The following PCDH1 variants were observed in gnomAD, a reference collection of about 807,000 sequenced individuals.
PCDH1 encodes protocadherin-1.
In PCDH1, 23 loss-of-function variants were observed where a neutral mutation model predicts 74.6. The observed-to-expected ratio is 0.31, with a 90% confidence interval of 0.22 to 0.44. The LOEUF (loss-of-function observed/expected upper bound fraction) is 0.44, where lower values mean the gene tolerates loss of function less well. PCDH1 is among the 20% of genes least tolerant of loss of function. The probability of loss-of-function intolerance (pLI) is 1.00; values close to 1 mark genes in which losing one functional copy is unlikely to be tolerated. For synonymous variants in PCDH1, 647 were observed against 686.1 expected, an observed-to-expected ratio of 0.94 and a Z score of 0.89; for missense variants, 1,214 against 1,641.4, an observed-to-expected ratio of 0.74 and a Z score of 4.50.
At chr5:141,876,595 C>T (rs1753241634) in intron 1 of PCDH1, among the ~76,000 whole-genome samples, 1 of 152,216 alleles carries the variant, frequency 6.6e-6, no homozygotes, top group Non-Finnish European at 1.5e-5. Flanking sequence ...AAACTGAGGC[C>T]AGAATTCTGA....
chr5:141,865,960 T>C lies in PCDH1; in HGVS notation c.904-533A>G, dbSNP rs1198730346. On this transcript the variant is annotated intron_variant, in intron 2 of 4. Coordinates refer to ENST00000287008, the MANE Select transcript of PCDH1 (RefSeq NM_032420.5). The surrounding 1 kb of genome is among the most constrained non-coding windows in gnomAD (Gnocchi z 4.4). ...TGATATGTTTGTGTGAGAAGGTATA[T>C]GTGTTTGTATGTGTATGATTGTGTC... The C allele has an allele frequency of 2.8e-6, 2 of 703,456 alleles. No individual in the cohort carries two copies. The highest frequency in any genetic ancestry group is 1.8e-6 in the Non-Finnish European group (1 of 565,520). 43.6% of individuals were successfully genotyped at this position (703,456 alleles called of 1,614,324 possible).
Position 141,876,747 on chromosome 5 carries a change from C to G in PCDH1, c.40+1476G>C, listed in dbSNP as rs1384991477. Among the ~76,000 whole-genome samples, 6 of 152,082 alleles carry G rather than the reference C, an allele frequency of 3.9e-5. No homozygotes were observed. In the East Asian group the frequency reaches 1.2e-3, roughly 29 times the overall value. ...TACAGCGGGGACCAGGCGGAGGGGGCGCTCAGGTGTGAGACGAACCCAGGT... is the reference window on the plus strand; with the variant it reads ...TACAGCGGGGACCAGGCGGAGGGGGGGCTCAGGTGTGAGACGAACCCAGGT... On this transcript the variant is annotated intron_variant, in intron 1 of 4. Coordinates refer to ENST00000287008, the MANE Select transcript of PCDH1 (RefSeq NM_032420.5).
In PCDH1 at chr5:141,853,202, C is replaced by A. The variant is rs1752191893; in HGVS notation, c.*840G>T. 8.7e-6 allele frequency: 1 copy of A among 115,554 alleles called. No homozygotes were observed. Among genetic ancestry groups the A allele is most frequent in the African/African-American group, 3.3e-5 (1 of 30,372 alleles). 7.2% of individuals were successfully genotyped at this position (115,554 alleles called of 1,614,324 possible). A position where few individuals can be genotyped will look rare whatever the true frequency, so the allele number is the denominator to read the frequency against. On this transcript the variant is annotated 3_prime_UTR_variant, in exon 5 of 5. Coordinates refer to ENST00000287008, the MANE Select transcript of PCDH1 (RefSeq NM_032420.5). Reference sequence around the variant, plus strand: ...CCCCACCCACCCGTTGTTTCCCTGGCCTGCACCCCCATCCCACCATGGCCC... The same window carrying A: ...CCCCACCCACCCGTTGTTTCCCTGGACTGCACCCCCATCCCACCATGGCCC...
chr5:141,855,017 G>C (rs554796314), intron 4 of PCDH1, among the ~76,000 whole-genome samples: 1 of 151,696 alleles, frequency 6.6e-6, no homozygotes, highest in Non-Finnish European at 1.5e-5. Context: ...TGTCACCCAG[G>C]CTGGAGTGCA....
At position 141,868,921 on chromosome 5, in the gene PCDH1, C is replaced by T; in HGVS notation, c.551G>A (p.Gly184Asp). 2 of 1,614,188 alleles carry T rather than the reference C, an allele frequency of 1.2e-6. No homozygotes were observed. The highest frequency in any genetic ancestry group is 2.2e-5 in the East Asian group (1 of 44,872). Residue 184 changes from glycine to aspartate, a missense_variant, in exon 2 of 5, where the codon GGC becomes GAC. This residue lies in a region of PCDH1 where 97 missense variants were observed against 173.2 expected (regional missense o/e 0.56). Transcript: ENST00000287008. This position sits in a 1 kb window ranked among gnomAD's most constrained non-coding sequence, Gnocchi z 4.8. ...AGCCAGCGGGATGGGGAAGAGTGAGCCGATGTTGGTGTTCTCAGGGATGGC... is the reference window on the plus strand; with the variant it reads ...AGCCAGCGGGATGGGGAAGAGTGAGTCGATGTTGGTGTTCTCAGGGATGGC... ...TLAIPENTNI[G>D]SLFPIPLASD...
intron 1 of PCDH1, among the ~76,000 whole-genome samples, chr5:141,872,849 G>C (rs186752735): frequency 6.6e-6 from 1 of 152,206 alleles, no homozygotes; most frequent in Non-Finnish European, 1.5e-5. Flanking sequence ...ATGGGATGGC[G>C]GGGCTGGGGA....
At chr5:141,872,136 CCT>C in intron 1 of PCDH1, among the ~76,000 whole-genome samples, 1 of 145,914 alleles carries the variant, frequency 6.9e-6, no homozygotes, top group African/African-American at 2.6e-5. Context: ...CCACCCCCCC[CCT>C]CCACCTGCAT....
chr5:141,872,001 C>T (rs1261007699), intron 1 of PCDH1, among the ~76,000 whole-genome samples: 3 of 152,218 alleles, frequency 2.0e-5, no homozygotes, highest in Non-Finnish European at 4.4e-5. Flanking sequence ...ACATCCCCTC[C>T]TCTGTATGGC....
rs996963315 is a variant in PCDH1, at chr5:141,853,523, C to T, written c.*519G>A. On this transcript the variant is annotated 3_prime_UTR_variant, in exon 5 of 5. Coordinates refer to ENST00000287008, the MANE Select transcript of PCDH1 (RefSeq NM_032420.5). ...ACAAGGCCTCCGCTCCACTCCCACC[C>T]CCGTCCCTACCCCACCTTTGGTAAC... is the stretch of plus-strand genomic sequence containing the variant. 6.6e-6 allele frequency: 1 copy of T among 152,336 alleles called. No homozygotes were observed. Among genetic ancestry groups the T allele is most frequent in the Non-Finnish European group, 1.5e-5 (1 of 68,182 alleles). 9.4% of individuals were successfully genotyped at this position (152,336 alleles called of 1,614,324 possible). A position where few individuals can be genotyped will look rare whatever the true frequency, so the allele number is the denominator to read the frequency against.
At position 141,863,917 on chromosome 5, in the gene PCDH1, G is replaced by A. The variant is rs1423559568; in HGVS notation, c.2414C>T (p.Thr805Ile). The A allele has an allele frequency of 3.7e-6, 6 of 1,614,198 alleles. No individual in the cohort carries two copies. The highest frequency in any genetic ancestry group is 5.1e-6 in the Non-Finnish European group (6 of 1,180,044). Residue 805 changes from threonine (T) to isoleucine (I), a missense_variant, in exon 3 of 5, where the codon ACA (threonine) becomes ATA (isoleucine). Thr to Ile is a moderately conservative substitution (Grantham distance 89). Transcript: ENST00000287008. This position sits in a 1 kb window ranked among gnomAD's most constrained non-coding sequence, Gnocchi z 7.5. ...ATTGACATAAAGATGGACCAAGGCT[G>A]TGCCATAGCGTGGGGGCTTGCCGCG... Reference protein sequence around the residue: ...SDRGKPPRYGTALVHLYVNET... With the variant: ...SDRGKPPRYGIALVHLYVNET...
Position 141,854,101 on chromosome 5 carries a change from AGTCCGAGGTCTGG to A in PCDH1, c.3642_3654del (p.Gln1215SerfsTer66). The A allele has an allele frequency of 6.4e-7, 1 of 1,557,902 alleles. No homozygotes were observed. Among genetic ancestry groups the A allele is most frequent in the Non-Finnish European group, 8.7e-7 (1 of 1,149,010 alleles). On this transcript the variant is annotated frameshift_variant, in exon 5 of 5. Coordinates refer to ENST00000287008, the MANE Select transcript of PCDH1 (RefSeq NM_032420.5). LOFTEE classifies it high-confidence loss of function. ...GATGCCGGTGTGGCTGCGGGTGGGA[AGTCCGAGGTCTGG>A]GTCAGGGGGATTTCCTCCAAGGTGG...
chr5:141,871,441 T>A (rs1470353085), intron 1 of PCDH1, among the ~76,000 whole-genome samples: 1 of 152,110 alleles, frequency 6.6e-6, no homozygotes, highest in East Asian at 1.9e-4. Flanking sequence ...AGAGCGAGGG[T>A]TGTGGCATTA....
chr5:141,854,181 C>A lies in PCDH1; in HGVS notation c.3575G>T (p.Ser1192Ile). Residue 1192 changes from serine to isoleucine, a missense_variant, in exon 5 of 5, where the codon AGT becomes ATT. By Grantham distance (142) the Ser-to-Ile change is moderately radical (BLOSUM62 -2). Around this residue, in one of 4 missense-constraint regions of PCDH1, gnomAD observed 194 missense variants for 198.3 expected, o/e 0.98. Coordinates refer to ENST00000287008, the MANE Select transcript of PCDH1 (RefSeq NM_032420.5). ...ATCATGGCTACTGTGGGAGAAGGCA[C>A]TGTAGGAGGGCAGGAGGCGCACGGG... ...TAPVRLLPSY[S>I]AFSHSSHDSC... The A allele has an allele frequency of 1.9e-6, 3 of 1,609,140 alleles. No homozygotes were observed. Among genetic ancestry groups the A allele is most frequent in the Non-Finnish European group, 2.5e-6 (3 of 1,176,674 alleles).
chr5:141,858,530 G>A (rs1393227652), intron 3 of PCDH1, among the ~76,000 whole-genome samples: 1 of 152,124 alleles, frequency 6.6e-6, no homozygotes, highest in Non-Finnish European at 1.5e-5. Flanking sequence ...TCGGGGGAGT[G>A]GAACCGTGAC....
At chr5:141,856,025 C>A (rs1007736586) in intron 4 of PCDH1, among the ~76,000 whole-genome samples, 2 of 152,162 alleles carry the variant, frequency 1.3e-5, no homozygotes, top group African/African-American at 4.8e-5. Context: ...GCACCACCCA[C>A]TATGGCTTGG....
chr5:141,861,510 CAGAAAGGACAGAAAAGGAAGAGAA>C (rs1165445280), intron 3 of PCDH1, among the ~76,000 whole-genome samples: 1 of 152,086 alleles, frequency 6.6e-6, no homozygotes, highest in African/African-American at 2.4e-5. Context: ...GAAGGAATGC[CAGAAAGGACAGAAAAGGAAGAGAA>C]AGAATGGGAG....
At chr5:141,856,610 C>CA (rs1288415212) in intron 4 of PCDH1, among the ~76,000 whole-genome samples, 1 of 152,116 alleles carries the variant, frequency 6.6e-6, no homozygotes, top group African/African-American at 2.4e-5. Flanking sequence ...CATCCATTCC[C>CA]ATGCCGACCT....
chr5:141,874,287 C>G (rs1407949160), intron 1 of PCDH1, among the ~76,000 whole-genome samples: 1 of 152,232 alleles, frequency 6.6e-6, no homozygotes, highest in South Asian at 2.1e-4. Context: ...TTCCCTCACC[C>G]GTGTTCCCAC....
intron 3 of PCDH1, among the ~76,000 whole-genome samples, chr5:141,859,272 G>C (rs1270825736): frequency 6.6e-6 from 1 of 152,176 alleles, no homozygotes; most frequent in Non-Finnish European, 1.5e-5. Context: ...CCTCCCTGCA[G>C]AACCCATATC....
Sources: gnomAD v4.1 joint callset for allele counts (sites outside exome capture counted in the v4.1 genomes callset) on GRCh38, gnomAD v4.1.1 for gene constraint, gnomAD v4.1.1 regional missense constraint, Gnocchi (gnomAD v3.1) non-coding constraint, MANE v1.5 for transcripts, NCBI Gene and HGNC (gene_info 2026-07-23, HGNC 2026-07-21) for gene names.